The following GGA1 variants were observed in gnomAD, a reference collection of about 807,000 sequenced individuals.
GGA1 encodes golgi associated, gamma adaptin ear containing, ARF binding protein 1.
In GGA1, 18 loss-of-function variants were observed where a neutral mutation model predicts 76.9. That is an observed-to-expected ratio of 0.23 (90% CI 0.16 to 0.35). The LOEUF is 0.35. Ranked by LOEUF, GGA1 falls within the 10% of genes least tolerant of loss-of-function variation. The pLI, the probability that GGA1 is intolerant of heterozygous loss-of-function variation, is 1.00. For synonymous variants in GGA1, 342 were observed against 354.7 expected (o/e 0.96, Z 0.40); for missense variants, 755 against 859.0 (o/e 0.88, Z 1.51).
intron 1 of GGA1, chr22:37,609,485 G>A (rs1017169749): frequency 5.0e-6 from 1 of 200,152 alleles, no homozygotes; most frequent in Non-Finnish European, 9.5e-6. Context: ...GCTTGGGAGA[G>A]TCTTAGACTC....
chr22:37,612,815 TG>T, intron 1 of GGA1: 1 of 559,018 alleles, frequency 1.8e-6, no homozygotes, highest in Non-Finnish European at 2.3e-6. Context: ...CTTTACAAGA[TG>T]GGGAAATGGA....
rs1930230503 is a variant in GGA1, at chr22:37,623,377, G to A, written c.660G>A (p.Glu220=). The A allele has an allele frequency of 1.2e-6, 2 of 1,613,812 alleles. No homozygotes were observed. The highest frequency in any genetic ancestry group is 8.5e-7 in the Non-Finnish European group (1 of 1,179,820). The change falls in exon 8 of 17, where the codon GAG becomes GAA. Residue 220 remains glutamate (E), a synonymous_variant. Transcript: ENST00000343632. This position sits in a 1 kb window ranked among gnomAD's most constrained non-coding sequence, Gnocchi z 4.6. The part of the protein sequence containing the change: ...KISKRVNAIE[E]VNNNVKLLTE... The stretch of plus-strand genomic sequence containing the variant: ...CGAAGAGGGTGAATGCCATCGAGGA[G>A]GTGAACAACAATGTGAAACTGCTCA...
rs1929759853 is a variant in GGA1, at chr22:37,620,919, A to G, written c.528+6A>G. On this transcript the variant is annotated splice_donor_region_variant and intron_variant, in intron 6 of 16. Coordinates refer to ENST00000343632, the MANE Select transcript of GGA1 (RefSeq NM_013365.5). ...AAGATGAGGAGAAATCCAAGGTGAG[A>G]CTCCAAGGAGGCACATATGGGGACT... 2 of 1,566,946 alleles carry G rather than the reference A, an allele frequency of 1.3e-6. No individual in the cohort carries two copies. The highest frequency in any genetic ancestry group is 1.4e-5 in the African/African-American group (1 of 74,016).
rs2145934122 is a variant in GGA1, at chr22:37,620,908, T to A, written c.523T>A (p.Ser175Thr). The A allele has an allele frequency of 1.3e-6, 2 of 1,597,988 alleles. No homozygotes were observed. Among genetic ancestry groups the A allele is most frequent in the Non-Finnish European group, 1.7e-6 (2 of 1,165,282 alleles). The change falls in exon 6 of 17, where the codon TCC becomes ACC. Residue 175 changes from serine to threonine, a missense_variant. Coordinates refer to ENST00000343632, the MANE Select transcript of GGA1 (RefSeq NM_013365.5). ...TGTGATCTTTGAAGATGAGGAGAAATCCAAGGTGAGACTCCAAGGAGGCAC... is the reference window on the plus strand; with the variant it reads ...TGTGATCTTTGAAGATGAGGAGAAAACCAAGGTGAGACTCCAAGGAGGCAC... ...KNVIFEDEEK[S>T]KMLARLLKSS...
intron 2 of GGA1, 114 bp downstream of exon 2, chr22:37,614,388 G>C (rs956015381): frequency 8.1e-6 from 6 of 742,682 alleles, no homozygotes; most frequent in Non-Finnish European, 1.4e-5. Flanking sequence ...TATTCACAAA[G>C]TGATGAGGAT....
At position 37,625,848 on chromosome 22, in the gene GGA1, G is replaced by T. The variant is rs747048976; in HGVS notation, c.992G>T (p.Gly331Val). 2 of 1,611,330 alleles carry T rather than the reference G, an allele frequency of 1.2e-6. No individual in the cohort carries two copies. Among genetic ancestry groups the T allele is most frequent in the Non-Finnish European group, 1.7e-6 (2 of 1,178,444 alleles). The stretch of plus-strand genomic sequence containing the variant: ...TCAGGCCTGGATCTCCCGCCTGCGG[G>T]CACCACCTACCCAGCTATGCCCACC... Reference protein sequence around the residue: ...DLSGLDLPPAGTTYPAMPTRP... With the variant: ...DLSGLDLPPAVTTYPAMPTRP... Residue 331 changes from glycine (G) to valine (V), a missense_variant, in exon 11 of 17, where the codon GGC becomes GTC. Transcript: ENST00000343632. The surrounding 1 kb of genome is among the most constrained non-coding windows in gnomAD (Gnocchi z 4.1).
At chr22:37,609,149 C>G (rs779188974) in intron 1 of GGA1, 3 of 1,461,214 alleles carry the variant, frequency 2.1e-6, no homozygotes, top group Middle Eastern at 3.5e-4. Context: ...ACCCCTGGGA[C>G]GGCGAGTGAG....
intron 7 of GGA1, among the ~76,000 whole-genome samples, chr22:37,622,531 C>G (rs1930084779): frequency 6.6e-6 from 1 of 152,180 alleles, no homozygotes; most frequent in Admixed American, 6.5e-5. Flanking sequence ...GATCCTCCCA[C>G]CTCAACCTCC....
chr22:37,621,711 C>T lies in GGA1; in HGVS notation c.609+15C>T, dbSNP rs372607959. The T allele has an allele frequency of 1.8e-5, 28 of 1,539,304 alleles. No homozygotes were observed. Among genetic ancestry groups the T allele is most frequent in the African/African-American group, 1.2e-4 (9 of 73,120 alleles). ...TGGTGCAGGAGGTAGCGGCCGAGCCCAGAGCACAGGGAGGAGGCGGGATGG... is the reference window on the plus strand; with the variant it reads ...TGGTGCAGGAGGTAGCGGCCGAGCCTAGAGCACAGGGAGGAGGCGGGATGG... On this transcript the variant is annotated intron_variant, in intron 7 of 16. Coordinates refer to ENST00000343632, the MANE Select transcript of GGA1 (RefSeq NM_013365.5).
chr22:37,630,535 TCC>T (rs1277168804), intron 13 of GGA1: 2 of 441,318 alleles, frequency 4.5e-6, no homozygotes, highest in African/African-American at 4.2e-5. Flanking sequence ...TGCCAGCCTT[TCC>T]TGTGCCCCTG....
At chr22:37,613,950 G>A in intron 1 of GGA1, 1 of 493,980 alleles carries the variant, frequency 2.0e-6, no homozygotes, top group Non-Finnish European at 3.7e-6. Flanking sequence ...GGGGAGGAGG[G>A]GAAGGGCCCT....
At chr22:37,617,098 A>G (rs1928953763) in intron 3 of GGA1, 101 bp downstream of exon 3, 1 of 1,543,474 alleles carries the variant, frequency 6.5e-7, no homozygotes, top group African/African-American at 1.4e-5. Flanking sequence ...TCAGAGCCCA[A>G]GAGAGTTGTG....
rs1391695481 is a variant in GGA1, at chr22:37,617,265, A to G, written c.204+268A>G. The G allele has an allele frequency of 5.2e-6, 7 of 1,341,612 alleles. No individual in the cohort carries two copies. In the Admixed American group the frequency reaches 1.9e-4, roughly 37 times the overall value. 83.1% of individuals were successfully genotyped at this position (1,341,612 alleles called of 1,614,324 possible). ...CAGGGGTTCTTTGCTTCAGCTGCAC[A>G]TCGGCTGCCTCTCCAGGAAGCGTGT... On this transcript the variant is annotated intron_variant, in intron 3 of 16. Coordinates refer to ENST00000343632, the MANE Select transcript of GGA1 (RefSeq NM_013365.5).
At chr22:37,629,176 G>A (rs947234644) in intron 11 of GGA1, among the ~76,000 whole-genome samples, 2 of 152,168 alleles carry the variant, frequency 1.3e-5, no homozygotes, top group African/African-American at 4.8e-5. Context: ...GCCAGATGAC[G>A]AGTGAAGATG....
At chr22:37,630,613 C>G in intron 13 of GGA1, 1 of 490,878 alleles carries the variant, frequency 2.0e-6, no homozygotes. Flanking sequence ...GTCACCCAGG[C>G]TGGAGTACAG....
chr22:37,623,595 G>A lies in GGA1; in HGVS notation c.794G>A (p.Arg265Gln), dbSNP rs201542025. ...GAGCGGATGCGGCCCACGCTCTTCCGACTGGCGAGTGACACAGAGGACAAT... is the reference window on the plus strand; with the variant it reads ...GAGCGGATGCGGCCCACGCTCTTCCAACTGGCGAGTGACACAGAGGACAAT... ...RCERMRPTLF[R>Q]LASDTEDNDE... The change falls in exon 9 of 17, where the codon CGA becomes CAA. Residue 265 changes from arginine to glutamine, a missense_variant. Coordinates refer to ENST00000343632, the MANE Select transcript of GGA1 (RefSeq NM_013365.5). This position sits in a 1 kb window ranked among gnomAD's most constrained non-coding sequence, Gnocchi z 4.6. 2.6e-5 allele frequency: 41 copies of A among 1,602,316 alleles called. No individual in the cohort carries two copies. The Admixed American group carries it at 3.5e-4, about 14-fold the overall frequency.
At chr22:37,610,246 C>G (rs6000842) in intron 1 of GGA1, 2 of 152,258 alleles carry the variant, frequency 1.3e-5, no homozygotes, top group South Asian at 4.1e-4. Flanking sequence ...CCCTGACACA[C>G]TGGGGCTGGG....
rs761045792 is a variant in GGA1, at chr22:37,623,408, A to G, written c.691A>G (p.Met231Val). 1 of 1,614,084 alleles carries G rather than the reference A, an allele frequency of 6.2e-7. No homozygotes were observed. The highest frequency in any genetic ancestry group is 1.7e-5 in the Admixed American group (1 of 60,028). Reference protein sequence around the residue: ...VNNNVKLLTEMVMSHSQGGAA... With the variant: ...VNNNVKLLTEVVMSHSQGGAA... The stretch of plus-strand genomic sequence containing the variant: ...CAACAATGTGAAACTGCTCACGGAG[A>G]TGGTGATGAGCCACAGCCAGGGCGG... Residue 231 changes from methionine to valine, a missense_variant, in exon 8 of 17, where the codon ATG becomes GTG. Physicochemically the swap from Met to Val is conservative, Grantham distance 21. Coordinates refer to ENST00000343632, the MANE Select transcript of GGA1 (RefSeq NM_013365.5). This position sits in a 1 kb window ranked among gnomAD's most constrained non-coding sequence, Gnocchi z 4.6.
chr22:37,612,225 G>A (rs1418809001), intron 1 of GGA1, among the ~76,000 whole-genome samples: 2 of 151,874 alleles, frequency 1.3e-5, no homozygotes, highest in Non-Finnish European at 2.9e-5. Context: ...AGTACTTTGG[G>A]AGGCCGAGGC....
Sources: gnomAD v4.1 joint callset for allele counts (sites outside exome capture counted in the v4.1 genomes callset) on GRCh38, gnomAD v4.1.1 for gene constraint, Gnocchi (gnomAD v3.1) non-coding constraint, MANE v1.5 for transcripts, NCBI Gene and HGNC (gene_info 2026-07-23, HGNC 2026-07-21) for gene names.